The following PRKAR2A variants were observed in gnomAD, a reference collection of about 807,000 sequenced individuals.
PRKAR2A encodes cAMP-dependent protein kinase type II-alpha regulatory subunit.
Under a neutral mutation model 51.9 loss-of-function variants are expected in PRKAR2A, and 29 were observed. That is an observed-to-expected ratio of 0.56 (90% CI 0.42 to 0.76). PRKAR2A has a LOEUF of 0.76. PRKAR2A is among the 30% of genes least tolerant of loss of function. PRKAR2A has a pLI of 0.00. For synonymous variants in PRKAR2A, 178 were observed against 186.2 expected (o/e 0.96, Z 0.36); for missense variants, 445 against 512.1 (o/e 0.87, Z 1.26).
rs79783385 is a variant in PRKAR2A at position 48,751,734 on chromosome 3, G to A, written c.1082-16C>T. ...ACATCCATAACTGCATTGTTAAAAA[G>A]AGGTGAGGGAGAGAATGAATTCAAG... On this transcript the variant is annotated splice_polypyrimidine_tract_variant and intron_variant, in intron 10 of 10. Coordinates refer to ENST00000265563, the MANE Select transcript of PRKAR2A (RefSeq NM_004157.4). 7.1e-3 allele frequency: 11,382 copies of A among 1,597,334 alleles called. 47 individuals are homozygous for A. The highest frequency in any genetic ancestry group is 8.3e-3 in the Non-Finnish European group (9,696 of 1,167,736).
At chr3:48,810,881 A>G (rs1390357568) in intron 1 of PRKAR2A, among the ~76,000 whole-genome samples, 1 of 152,176 alleles carries the variant, frequency 6.6e-6, no homozygotes, top group Non-Finnish European at 1.5e-5. Flanking sequence ...ATGGTCCTAT[A>G]AGAATTGACA....
intron 1 of PRKAR2A, among the ~76,000 whole-genome samples, chr3:48,812,843 AGTTCTG>A (rs2082798733): frequency 1.3e-5 from 2 of 152,228 alleles, no homozygotes; most frequent in Non-Finnish European, 2.9e-5. Context: ...GAAAAAATTT[AGTTCTG>A]AAATACACGT....
intron 8 of PRKAR2A, among the ~76,000 whole-genome samples, chr3:48,763,974 C>A (rs2081901177): frequency 6.6e-6 from 1 of 152,080 alleles, no homozygotes; most frequent in Admixed American, 6.6e-5. Context: ...GAGCTTTTTT[C>A]TCCCCTTTTA....
chr3:48,745,646 C>T (rs1023658581), downstream of PRKAR2A, among the ~76,000 whole-genome samples: 14 of 146,492 alleles, frequency 9.6e-5, no homozygotes, highest in Non-Finnish European at 1.5e-5. Context: ...TCAAGTGACT[C>T]TCCTACCTCA....
At chr3:48,780,845 G>A (rs2082184024) in intron 5 of PRKAR2A, among the ~76,000 whole-genome samples, 1 of 152,098 alleles carries the variant, frequency 6.6e-6, no homozygotes, top group African/African-American at 2.4e-5. Context: ...ATGTAGTATT[G>A]TATAAATGTT....
chr3:48,823,864 A>T (rs2083012545), intron 1 of PRKAR2A, among the ~76,000 whole-genome samples: 1 of 152,136 alleles, frequency 6.6e-6, no homozygotes, highest in South Asian at 2.1e-4. Context: ...CCGTAGCAAA[A>T]GGAAATCAGG....
chr3:48,788,219 C>T (rs1054759240), intron 4 of PRKAR2A, among the ~76,000 whole-genome samples: 2 of 152,008 alleles, frequency 1.3e-5, no homozygotes, highest in African/African-American at 2.4e-5. Context: ...TTAGTAGAGA[C>T]GGGGTTTCAC....
At chr3:48,803,337 G>A (rs1383564357) in intron 2 of PRKAR2A, among the ~76,000 whole-genome samples, 3 of 152,134 alleles carry the variant, frequency 2.0e-5, no homozygotes, top group African/African-American at 7.2e-5. Context: ...CTAAGCCCAA[G>A]ATTTCAAGGC....
At position 48,776,891 on chromosome 3, in the gene PRKAR2A, A is replaced by T. The variant is rs561578357; in HGVS notation, c.543-3783T>A. ...TTCCATAACATGCTTAAAACAGATT[A>T]AAAAAATTAAATCACACAACAATGT... On this transcript the variant is annotated intron_variant, in intron 5 of 10. Transcript: ENST00000265563. 1.4e-4 allele frequency among the ~76,000 whole-genome samples: 21 copies of T among 152,244 alleles called. No individual in the cohort carries two copies. The South Asian group carries it at 3.9e-3, about 29-fold the overall frequency.
At chr3:48,822,601 A>T (rs1263987222) in intron 1 of PRKAR2A, among the ~76,000 whole-genome samples, 1 of 152,218 alleles carries the variant, frequency 6.6e-6, no homozygotes, top group Non-Finnish European at 1.5e-5. Flanking sequence ...TAATTAAAAC[A>T]CAAGACACAT....
At chr3:48,833,572 G>T (rs2083230125) in intron 1 of PRKAR2A, among the ~76,000 whole-genome samples, 1 of 150,892 alleles carries the variant, frequency 6.6e-6, no homozygotes, top group Non-Finnish European at 1.5e-5. Context: ...GCCGGATGTG[G>T]TGTCAGGCAC....
At position 48,806,129 on chromosome 3, in the gene PRKAR2A, A is replaced by T. The variant is rs574137815; in HGVS notation, c.298+1520T>A. Among the ~76,000 whole-genome samples the T allele has an allele frequency of 1.4e-4, 22 of 152,318 alleles. No individual in the cohort carries two copies. The South Asian group carries it at 4.3e-3, about 30-fold the overall frequency. ...CTCTCAGGATATTGACTCTCTTAAC[A>T]TAACATATTCTTCAACCTCCTTTCA... On this transcript the variant is annotated intron_variant, in intron 2 of 10. Transcript: ENST00000265563.
intron 1 of PRKAR2A, among the ~76,000 whole-genome samples, chr3:48,842,041 A>G (rs1415221590): frequency 2.0e-5 from 3 of 152,128 alleles, no homozygotes; most frequent in Non-Finnish European, 4.4e-5. Flanking sequence ...CTTCCTATCC[A>G]TGAGCATGGA....
chr3:48,817,006 A>C (rs1179706943), intron 1 of PRKAR2A, among the ~76,000 whole-genome samples: 1 of 152,072 alleles, frequency 6.6e-6, no homozygotes, highest in African/African-American at 2.4e-5. Context: ...ACATAGCAAG[A>C]TCTTATCTCT....
At chr3:48,791,334 C>A (rs1322466325) in intron 3 of PRKAR2A, among the ~76,000 whole-genome samples, 2 of 139,536 alleles carry the variant, frequency 1.4e-5, no homozygotes, top group African/African-American at 2.7e-5. Context: ...TGGTGGCGCA[C>A]GCCTGTAATC....
At position 48,781,732 on chromosome 3, in the gene PRKAR2A, C is replaced by T. The variant is rs184286519; in HGVS notation, c.542+1254G>A. 3.5e-3 allele frequency among the ~76,000 whole-genome samples: 530 copies of T among 152,018 alleles called. 2 individuals are homozygous for T. Among genetic ancestry groups the T allele is most frequent in the Non-Finnish European group, 5.7e-3 (389 of 67,976 alleles). On this transcript the variant is annotated intron_variant, in intron 5 of 10. Transcript: ENST00000265563. ...TTCACTACGTTGGCCAGGCTGGTCT[C>T]GAACTCCTGACCTCGTGATCTGCCC...
chr3:48,812,487 CTT>C (rs71627353), intron 1 of PRKAR2A, among the ~76,000 whole-genome samples: 2 of 134,310 alleles, frequency 1.5e-5, no homozygotes, highest in Non-Finnish European at 1.6e-5. Context: ...GCAGAAAAAG[CTT>C]TTTTTTTTTT....
Position 48,783,055 on chromosome 3 carries a change from C to T in PRKAR2A, c.473G>A (p.Arg158Lys), listed in dbSNP as rs1479261330. The stretch of plus-strand genomic sequence containing the variant: ...GACATGCTCATCAGCTTTGACTATC[C>T]TTTCAAACATGGCATCGAGAACTTG... ...LSQVLDAMFE[R>K]IVKADEHVID... The change falls in exon 5 of 11, where the codon AGG becomes AAG. Residue 158 changes from arginine (R) to lysine (K), a missense_variant. By Grantham distance (26) the Arg-to-Lys change is conservative (BLOSUM62 2). Coordinates refer to ENST00000265563, the MANE Select transcript of PRKAR2A (RefSeq NM_004157.4). The T allele has an allele frequency of 4.3e-6, 7 of 1,613,796 alleles. No individual in the cohort carries two copies. The highest frequency in any genetic ancestry group is 5.1e-6 in the Non-Finnish European group (6 of 1,179,952).
At chr3:48,803,975 T>C (rs1395172039) in intron 2 of PRKAR2A, among the ~76,000 whole-genome samples, 1 of 151,930 alleles carries the variant, frequency 6.6e-6, no homozygotes, top group African/African-American at 2.4e-5. Flanking sequence ...AAAAAATTTA[T>C]TAAAAAAAAA....
Sources: allele counts gnomAD v4.1 joint callset (sites outside exome capture counted in the v4.1 genomes callset), GRCh38; gene constraint gnomAD v4.1.1; transcripts MANE v1.5; gene names NCBI Gene and HGNC (gene_info 2026-07-23, HGNC 2026-07-21).